The following MT1A variants were observed in gnomAD, a reference collection of about 807,000 sequenced individuals.
MT1A encodes the protein metallothionein-1A.
MT1A carries 6 observed loss-of-function variants against 5.5 expected under a neutral mutation model. The observed-to-expected ratio is 1.09, with a 90% CI of 0.60 to 2.16. The LOEUF (loss-of-function observed/expected upper bound fraction) is 2.16, where lower values mean the gene tolerates loss of function less well. MT1A is among the 30% of genes most tolerant of loss of function. The pLI, the probability that MT1A is intolerant of heterozygous loss-of-function variation, is 0.00. For synonymous variants in MT1A, 23 were observed against 24.8 expected (o/e 0.93, Z 0.21); for missense variants, 69 against 73.4 (o/e 0.94, Z 0.22).
At chr16:56,639,755 A>C in intron 2 of MT1A, 104 bp from the exon 3 acceptor site, 1 of 1,455,212 alleles carries the variant, frequency 6.9e-7, no homozygotes, top group Non-Finnish European at 9.6e-7. Flanking sequence ...TCCTGAACTA[A>C]GTGTCCTCTG....
rs1960414242 is a variant in MT1A, at chr16:56,639,291, G to A, written c.56G>A (p.Cys19Tyr). ...TGGSCTCTGS[C>Y]KCKECKCTSC... ...GGCTCCTGCACCTGCACTGGCTCCT[G>A]CAAATGCAAAGAGTGCAAATGCACC... is the stretch of plus-strand genomic sequence containing the variant. Residue 19 changes from cysteine to tyrosine, a missense_variant, in exon 2 of 3, where the codon TGC becomes TAC. Cys to Tyr is a radical substitution (Grantham distance 194). Transcript: ENST00000290705. 6.2e-7 allele frequency: 1 copy of A among 1,612,080 alleles called. No individual in the cohort carries two copies. Among genetic ancestry groups the A allele is most frequent in the Non-Finnish European group, 8.5e-7 (1 of 1,178,624 alleles).
intron 2 of MT1A, among the ~76,000 whole-genome samples, 182 bp from the exon 3 acceptor site, chr16:56,639,677 A>G (rs1960419320): frequency 6.6e-6 from 1 of 152,178 alleles, no homozygotes. Context: ...GATGGAGATA[A>G]GCTTTTCACA....
Position 56,639,253 on chromosome 16 carries a change from CT to C in MT1A, c.29-9del, listed in dbSNP as rs771747612. On this transcript the variant is annotated splice_polypyrimidine_tract_variant and intron_variant, in intron 1 of 2. Coordinates refer to ENST00000290705, the MANE Select transcript of MT1A (RefSeq NM_005946.3). ...TGTATAAAATTCACTGCCTTTTTCT[CT>C]TCCTTGCAGGTGGCTCCTGCACCTG... The C allele has an allele frequency of 2.5e-6, 4 of 1,611,444 alleles. No individual in the cohort carries two copies. The Admixed American group carries it at 6.7e-5, about 27-fold the overall frequency.
intron 1 of MT1A, 118 bp from the exon 2 acceptor site, chr16:56,639,146 C>A: frequency 8.4e-7 from 1 of 1,191,838 alleles, no homozygotes; most frequent in Admixed American, 1.9e-5. Flanking sequence ...CTTCATGGTG[C>A]CCTGAGTTGG....
rs1960413928 is a variant in MT1A at position 56,639,272 on chromosome 16, T to C, written c.37T>C (p.Cys13Arg). ...TTTTCTCTTCCTTGCAGGTGGCTCC[T>C]GCACCTGCACTGGCTCCTGCAAATG... ...PNCSCATGGS[C>R]TCTGSCKCKE... Residue 13 changes from cysteine to arginine, a missense_variant, in exon 2 of 3, where the codon TGC (cysteine) becomes CGC (arginine). Transcript: ENST00000290705. 6.2e-7 allele frequency: 1 copy of C among 1,611,782 alleles called. No homozygotes were observed. Among genetic ancestry groups the C allele is most frequent in the Non-Finnish European group, 8.5e-7 (1 of 1,178,500 alleles).
intron 1 of MT1A, 34 bp downstream of exon 1, chr16:56,638,800 C>A: frequency 6.2e-7 from 1 of 1,612,548 alleles, no homozygotes; most frequent in Non-Finnish European, 8.5e-7. Context: ...CCTTAGGATA[C>A]CTATTTCCCC....
At chr16:56,639,497 C>T (rs1248978191) in intron 2 of MT1A, among the ~76,000 whole-genome samples, 168 bp downstream of exon 2, 2 of 132,572 alleles carry the variant, frequency 1.5e-5, no homozygotes, top group Admixed American at 1.6e-4. Context: ...TCCCAAGTTT[C>T]GTTCTTAAAA....
In MT1A at chr16:56,638,768, T is replaced by C; in HGVS notation, c.28+2T>C. 1 of 1,614,064 alleles carries C rather than the reference T, an allele frequency of 6.2e-7. No individual in the cohort carries two copies. On this transcript the variant is annotated splice_donor_variant, in intron 1 of 2. Transcript: ENST00000290705. LOFTEE classifies it high-confidence loss of function. ...ACCCCAACTGCTCCTGCGCCACTGG[T>C]AAGGGATGCTAGGTTTCTGGTCCTT... is the stretch of plus-strand genomic sequence containing the variant.
chr16:56,638,839 A>C (rs1165663295), intron 1 of MT1A, 73 bp downstream of exon 1: 1 of 1,585,018 alleles, frequency 6.3e-7, no homozygotes, highest in African/African-American at 1.4e-5. Context: ...CTAGGAGTAG[A>C]GGTGTTTTTT....
chr16:56,638,752 G>A lies in MT1A; in HGVS notation c.14G>A (p.Cys5Tyr), dbSNP rs1300887303. MDPN[C>Y]SCATGGSCTC... ...CCGCGGCTCGAAATGGACCCCAACTGCTCCTGCGCCACTGGTAAGGGATGC... is the reference window on the plus strand; with the variant it reads ...CCGCGGCTCGAAATGGACCCCAACTACTCCTGCGCCACTGGTAAGGGATGC... The change falls in exon 1 of 3, where the codon TGC becomes TAC. Residue 5 changes from cysteine to tyrosine, a missense_variant. By Grantham distance (194) the Cys-to-Tyr change is radical. Coordinates refer to ENST00000290705, the MANE Select transcript of MT1A (RefSeq NM_005946.3). 6.2e-7 allele frequency: 1 copy of A among 1,614,162 alleles called. No homozygotes were observed. The highest frequency in any genetic ancestry group is 1.7e-5 in the Admixed American group (1 of 60,018).
chr16:56,638,774 A>T lies in MT1A; in HGVS notation c.28+8A>T. 3 of 1,613,214 alleles carry T rather than the reference A, an allele frequency of 1.9e-6. No homozygotes were observed. The highest frequency in any genetic ancestry group is 2.5e-6 in the Non-Finnish European group (3 of 1,179,664). ...ACTGCTCCTGCGCCACTGGTAAGGG[A>T]TGCTAGGTTTCTGGTCCTTAGGATA... is the stretch of plus-strand genomic sequence containing the variant. On this transcript the variant is annotated splice_region_variant and intron_variant, in intron 1 of 2. Transcript: ENST00000290705.
rs1233195694 is a variant in MT1A at position 56,638,906 on chromosome 16, G to A, written c.28+140G>A. ...TTGATCTAGTGCTTTTCCACTCAGC[G>A]CCTTCATCATCCCTAGAACATTCCT... On this transcript the variant is annotated intron_variant, in intron 1 of 2. Coordinates refer to ENST00000290705, the MANE Select transcript of MT1A (RefSeq NM_005946.3). 8 of 1,045,142 alleles carry A rather than the reference G, an allele frequency of 7.7e-6. No homozygotes were observed. The East Asian group carries it at 1.4e-4, about 19-fold the overall frequency. The allele number at this position is 1,045,142 out of a possible 1,614,324, so 64.7% of individuals were successfully genotyped here.
Position 56,638,706 on chromosome 16 carries a change from T to G in MT1A, c.-33T>G. 1 of 1,614,018 alleles carries G rather than the reference T, an allele frequency of 6.2e-7. No individual in the cohort carries two copies. The highest frequency in any genetic ancestry group is 1.1e-5 in the South Asian group (1 of 91,074). ...TGCGCCTTATAGCCTCTCAACTTCTTGCTTGGGATCTCCAACCTCACCGCG... is the reference window on the plus strand; with the variant it reads ...TGCGCCTTATAGCCTCTCAACTTCTGGCTTGGGATCTCCAACCTCACCGCG... On this transcript the variant is annotated 5_prime_UTR_variant, in exon 1 of 3. Transcript: ENST00000290705.
chr16:56,639,398 A>G (rs996331923), intron 2 of MT1A, 69 bp downstream of exon 2: 76 of 1,512,524 alleles, frequency 5.0e-5, no homozygotes, highest in South Asian at 1.7e-4. Flanking sequence ...AGAGCTGGGC[A>G]TGGAGGAGTA....
intron 2 of MT1A, among the ~76,000 whole-genome samples, chr16:56,639,576 C>T (rs1454998010): frequency 1.3e-5 from 2 of 152,232 alleles, no homozygotes; most frequent in East Asian, 3.8e-4. Context: ...ACTTTCCTCC[C>T]CTAAGTGTGT....
rs776202135 is a variant in MT1A at position 56,639,858 on chromosome 16, GGCT to G, written c.101_103del (p.Cys34del). 3 of 1,614,006 alleles carry G rather than the reference GGCT, an allele frequency of 1.9e-6. No individual in the cohort carries two copies. Among genetic ancestry groups the G allele is most frequent in the Non-Finnish European group, 2.5e-6 (3 of 1,180,010 alleles). ...ACCTCTCACTCTCCCTTCTTCCCCA[GGCT>G]GCTGCTCCTGCTGCCCCATGAGCTG... On this transcript the variant is annotated inframe_deletion and splice_region_variant, in exon 3 of 3. Transcript: ENST00000290705.
intron 1 of MT1A, among the ~76,000 whole-genome samples, chr16:56,639,058 G>C (rs1373877585): frequency 6.6e-6 from 1 of 152,114 alleles, no homozygotes; most frequent in East Asian, 1.9e-4. Context: ...GGGGTGGATG[G>C]GAGACAGGAG....
In MT1A at chr16:56,638,772, G is replaced by A; in HGVS notation, c.28+6G>A. On this transcript the variant is annotated splice_donor_region_variant and intron_variant, in intron 1 of 2. Transcript: ENST00000290705. Reference sequence around the variant, plus strand: ...CAACTGCTCCTGCGCCACTGGTAAGGGATGCTAGGTTTCTGGTCCTTAGGA... The same window carrying A: ...CAACTGCTCCTGCGCCACTGGTAAGAGATGCTAGGTTTCTGGTCCTTAGGA... 1.2e-6 allele frequency: 2 copies of A among 1,613,266 alleles called. No individual in the cohort carries two copies. The highest frequency in any genetic ancestry group is 8.5e-7 in the Non-Finnish European group (1 of 1,179,688).
At position 56,640,070 on chromosome 16, in the gene MT1A, TA is replaced by T; in HGVS notation, c.*124del. On this transcript the variant is annotated 3_prime_UTR_variant, in exon 3 of 3. Transcript: ENST00000290705. ...TTTTAATGAAATATGTGAATGATAATAAAAGTTGCTGACTTAATGCTGGCTC... is the reference window on the plus strand; with the variant it reads ...TTTTAATGAAATATGTGAATGATAATAAAGTTGCTGACTTAATGCTGGCTC... 1 of 1,333,956 alleles carries T rather than the reference TA, an allele frequency of 7.5e-7. No individual in the cohort carries two copies. 82.6% of individuals were successfully genotyped at this position (1,333,956 alleles called of 1,614,324 possible).
Sources: gnomAD v4.1 joint callset for allele counts (sites outside exome capture counted in the v4.1 genomes callset) on GRCh38, gnomAD v4.1.1 for gene constraint, MANE v1.5 for transcripts, NCBI Gene and HGNC (gene_info 2026-07-23, HGNC 2026-07-21) for gene names.